Variants in RNF168 observed in about 807,000 individuals in gnomAD.
RNF168 encodes the protein E3 ubiquitin-protein ligase RNF168.
In RNF168, 34 loss-of-function variants were observed where a neutral mutation model predicts 34.9. The ratio of observed to expected loss-of-function variants is 0.97; its 90% CI spans 0.74 to 1.30. The LOEUF (loss-of-function observed/expected upper bound fraction) is 1.30. Ranked by LOEUF, RNF168 falls within the 50% of genes most tolerant of loss-of-function variation. The probability of loss-of-function intolerance (pLI) is 0.00; values close to 1 mark genes in which losing one functional copy is unlikely to be tolerated. For missense variants in RNF168, 725 were observed against 682.5 expected, an observed-to-expected ratio of 1.06 and a Z score of -0.69; for synonymous variants, 264 against 254.7, an observed-to-expected ratio of 1.04 and a Z score of -0.35.
Position 196,488,673 on chromosome 3 carries a change from A to C in RNF168, c.312T>G (p.Tyr104Ter). 1 of 1,599,880 alleles carries C rather than the reference A, an allele frequency of 6.3e-7. No individual in the cohort carries two copies. Among genetic ancestry groups the C allele is most frequent in the Non-Finnish European group, 8.6e-7 (1 of 1,167,376 alleles). The change falls in exon 2 of 6, where the codon TAT (tyrosine) becomes TAG (stop). Residue 104 changes from tyrosine to a stop codon, truncating the protein, a stop_gained. Transcript: ENST00000318037. LOFTEE classifies it high-confidence loss of function. ...GTTTACTGAGCAGACGAACTGGCTG[A>C]TAGTCATCAGCTATTTCATATCAAA... is the stretch of plus-strand genomic sequence containing the variant. ...GQESEEVADD[Y>*]QPVRLLSKPG...
At chr3:196,473,780 A>C (rs1188113803) in intron 5 of RNF168, among the ~76,000 whole-genome samples, 4 of 152,006 alleles carry the variant, frequency 2.6e-5, no homozygotes, top group African/African-American at 9.7e-5. Flanking sequence ...CATCCACTGT[A>C]CTCCAGCCTG....
At chr3:196,487,694 C>T (rs1457137480) in intron 2 of RNF168, 116 bp from the exon 3 acceptor site, 1 of 990,212 alleles carries the variant, frequency 1.0e-6, no homozygotes, top group Non-Finnish European at 1.6e-6. Flanking sequence ...TTTAAATGAT[C>T]TCAAATGAAG....
chr3:196,479,170 AC>A, intron 4 of RNF168, among the ~76,000 whole-genome samples: 1 of 148,554 alleles, frequency 6.7e-6, no homozygotes, highest in South Asian at 2.1e-4. Flanking sequence ...TCGCCACCAC[AC>A]CCGGCTAATT....
intron 4 of RNF168, among the ~76,000 whole-genome samples, chr3:196,476,818 G>A (rs923299036): frequency 2.4e-4 from 37 of 151,576 alleles, no homozygotes; most frequent in African/African-American, 8.2e-4. Flanking sequence ...CATGATCTTG[G>A]CTCACTGCAA....
At chr3:196,502,054 G>A (rs981934767) in intron 1 of RNF168, among the ~76,000 whole-genome samples, 637 of 49,662 alleles carry the variant, frequency 0.013, no homozygotes, top group Non-Finnish European at 0.016. Context: ...AAAAAAATTA[G>A]AAAAAAAAAA....
At chr3:196,491,329 G>C (rs894206444) in intron 1 of RNF168, among the ~76,000 whole-genome samples, 14 of 146,542 alleles carry the variant, frequency 9.6e-5, no homozygotes, top group East Asian at 2.1e-4. Flanking sequence ...AACAAACAAA[G>C]AAACAAACAA....
At chr3:196,481,301 G>A (rs554545025) in intron 4 of RNF168, among the ~76,000 whole-genome samples, 76 of 152,260 alleles carry the variant, frequency 5.0e-4, no homozygotes, top group African/African-American at 1.6e-3. Context: ...GCGGGGCGTG[G>A]CGGCTCACTC....
At chr3:196,481,961 GCTTT>G (rs1447710851) in intron 4 of RNF168, among the ~76,000 whole-genome samples, 2 of 132,828 alleles carry the variant, frequency 1.5e-5, no homozygotes, top group Middle Eastern at 3.8e-3. Flanking sequence ...ACTGTCCCTG[GCTTT>G]TTTTTTTTTT....
intron 5 of RNF168, among the ~76,000 whole-genome samples, chr3:196,473,048 T>C (rs1488069945): frequency 1.3e-5 from 2 of 152,182 alleles, no homozygotes; most frequent in South Asian, 2.1e-4. Context: ...TATTTATTCT[T>C]AATAGTATTT....
At chr3:196,473,706 T>G (rs974251004) in intron 5 of RNF168, among the ~76,000 whole-genome samples, 2 of 151,980 alleles carry the variant, frequency 1.3e-5, no homozygotes, top group Admixed American at 6.6e-5. Flanking sequence ...AATACAAAAA[T>G]TAGCCGGGCG....
At chr3:196,500,993 G>C (rs1462633158) in intron 1 of RNF168, among the ~76,000 whole-genome samples, 1 of 152,232 alleles carries the variant, frequency 6.6e-6, no homozygotes, top group African/African-American at 2.4e-5. Flanking sequence ...TTACAGGCGT[G>C]AGCCGCCGCG....
At chr3:196,500,151 A>G (rs965923860) in intron 1 of RNF168, among the ~76,000 whole-genome samples, 2 of 152,222 alleles carry the variant, frequency 1.3e-5, no homozygotes, top group African/African-American at 4.8e-5. Context: ...TTCCACTTCC[A>G]GGTATACACC....
At chr3:196,494,815 G>A (rs1329814576) in intron 1 of RNF168, among the ~76,000 whole-genome samples, 5 of 152,136 alleles carry the variant, frequency 3.3e-5, no homozygotes, top group African/African-American at 1.2e-4. Flanking sequence ...TTGAGCTCAG[G>A]AGTTCAAGAC....
intron 1 of RNF168, 58 bp from the exon 2 acceptor site, chr3:196,488,741 T>C (rs1440583135): frequency 8.9e-6 from 10 of 1,118,276 alleles, no homozygotes; most frequent in Middle Eastern, 2.0e-4. Context: ...ATGGTAACTT[T>C]GGTCTTCCAT....
Position 196,471,810 on chromosome 3 carries a change from T to G in RNF168, c.*9A>C. 1 of 1,563,532 alleles carries G rather than the reference T, an allele frequency of 6.4e-7. No individual in the cohort carries two copies. On this transcript the variant is annotated 3_prime_UTR_variant, in exon 6 of 6. Coordinates refer to ENST00000318037, the MANE Select transcript of RNF168 (RefSeq NM_152617.4). The stretch of plus-strand genomic sequence containing the variant: ...TTACTAGATCACAAAGCACTCCCTT[T>G]ACCAGGCCTTACTTTGTGCATCTCT...
chr3:196,498,492 C>G (rs914041624), intron 1 of RNF168, among the ~76,000 whole-genome samples: 1 of 152,010 alleles, frequency 6.6e-6, no homozygotes, highest in Non-Finnish European at 1.5e-5. Context: ...ATTCCAGCTC[C>G]TAAGTATTTA....
At chr3:196,495,160 C>CT (rs924208778) in intron 1 of RNF168, among the ~76,000 whole-genome samples, 1 of 149,448 alleles carries the variant, frequency 6.7e-6, no homozygotes, top group Non-Finnish European at 1.5e-5. Flanking sequence ...AGTTTTTAAA[C>CT]TGCCACATTG....
intron 1 of RNF168, among the ~76,000 whole-genome samples, chr3:196,502,543 G>A (rs1299295088): frequency 6.6e-6 from 1 of 151,450 alleles, no homozygotes; most frequent in African/African-American, 2.4e-5. Flanking sequence ...AGCCGAGATC[G>A]CGCCACTGCA....
intron 5 of RNF168, chr3:196,474,907 G>A (rs1285708055): frequency 6.7e-6 from 2 of 297,292 alleles, no homozygotes; most frequent in South Asian, 3.6e-5. Context: ...ATGCATTCAA[G>A]CTGATGTGTT....
Sources: allele counts gnomAD v4.1 joint callset (sites outside exome capture counted in the v4.1 genomes callset), GRCh38; gene constraint gnomAD v4.1.1; transcripts MANE v1.5; gene names NCBI Gene and HGNC (gene_info 2026-07-23, HGNC 2026-07-21).